Variants in MAGI1 observed in about 807,000 individuals in gnomAD.
MAGI1 encodes the protein membrane-associated guanylate kinase, WW and PDZ domain-containing protein 1.
Under a neutral mutation model 139.9 loss-of-function variants are expected in MAGI1, and 58 were observed. The ratio of observed to expected loss-of-function variants is 0.41; its 90% CI spans 0.34 to 0.52. The LOEUF is 0.52. MAGI1 is among the 20% of genes least tolerant of loss of function. The pLI is 0.12. For synonymous variants in MAGI1, 812 were observed against 737.9 expected, an observed-to-expected ratio of 1.10 and a Z score of -1.63; for missense variants, 1,874 against 1,901.6, an observed-to-expected ratio of 0.99 and a Z score of 0.27.
At chr3:65,550,729 C>T (rs936994464) in intron 2 of MAGI1, among the ~76,000 whole-genome samples, 1 of 152,094 alleles carries the variant, frequency 6.6e-6, no homozygotes, top group African/African-American at 2.4e-5. Context: ...ATTTGGGAGG[C>T]CAAGACAGGA....
chr3:65,532,823 C>G (rs1361519920), intron 2 of MAGI1: 3 of 152,300 alleles, frequency 2.0e-5, no homozygotes, highest in Non-Finnish European at 2.9e-5. Flanking sequence ...TTCCCCTTTT[C>G]TTTGCAGAGC....
intron 1 of MAGI1, among the ~76,000 whole-genome samples, chr3:65,636,596 G>A (rs924164901): frequency 2.0e-5 from 3 of 151,982 alleles, no homozygotes; most frequent in African/African-American, 7.3e-5. Flanking sequence ...CACTGGTCAC[G>A]TATTAACATT....
chr3:65,882,503 G>T (rs376575257), intron 1 of MAGI1, among the ~76,000 whole-genome samples: 1 of 152,234 alleles, frequency 6.6e-6, no homozygotes, highest in African/African-American at 2.4e-5. Context: ...CTACAGGATG[G>T]CAGGGAACCT....
At chr3:65,684,793 C>T (rs2087881676) in intron 1 of MAGI1, among the ~76,000 whole-genome samples, 1 of 151,834 alleles carries the variant, frequency 6.6e-6, no homozygotes, top group African/African-American at 2.4e-5. Flanking sequence ...CCTCAACCTC[C>T]CAGGCTCAAG....
intron 1 of MAGI1, among the ~76,000 whole-genome samples, chr3:65,871,505 CTG>C (rs2059939036): frequency 6.6e-6 from 1 of 152,154 alleles, no homozygotes; most frequent in African/African-American, 2.4e-5. Flanking sequence ...AGGAAAATAA[CTG>C]TGGAATTCTG....
Position 65,430,023 on chromosome 3 carries a change from C to T in MAGI1, c.1664G>A (p.Gly555Asp). ...ATCTGGATCAAAAGGCAATGGATAA[C>T]CTCGGCAGAGTTCAAGGTCCACGCT... ...GASVDLELCR[G>D]YPLPFDPDDP... is the part of the protein sequence containing the mutation. The change falls in exon 12 of 23, where the codon GGT becomes GAT. Residue 555 changes from glycine to aspartate, a missense_variant. Physicochemically the swap from Gly to Asp is moderately conservative, Grantham distance 94. Coordinates refer to ENST00000402939, the MANE Select transcript of MAGI1 (RefSeq NM_001033057.2). 6.2e-7 allele frequency: 1 copy of T among 1,613,882 alleles called. No individual in the cohort carries two copies. The highest frequency in any genetic ancestry group is 1.1e-5 in the South Asian group (1 of 91,076).
chr3:65,987,595 T>C (rs931901010), intron 1 of MAGI1, among the ~76,000 whole-genome samples: 1 of 152,094 alleles, frequency 6.6e-6, no homozygotes. Flanking sequence ...CTGCCTGCTT[T>C]TCTTTCCTTT....
chr3:65,470,455 G>T lies in MAGI1; in HGVS notation c.787C>A (p.Leu263Ile). ...ADSGEQEEHT[L>I]QETALPPVNS... Reference sequence around the variant, plus strand: ...ACAGGTGGTAATGCTGTTTCTTGGAGAGTGTGCTCCTCTTGTTCACCAGAA... The same window carrying T: ...ACAGGTGGTAATGCTGTTTCTTGGATAGTGTGCTCCTCTTGTTCACCAGAA... Residue 263 changes from leucine to isoleucine, a missense_variant, in exon 5 of 23, where the codon CTC becomes ATC. This residue lies in a region of MAGI1 where 648 missense variants were observed against 598.1 expected (regional missense o/e 1.08). Coordinates refer to ENST00000402939, the MANE Select transcript of MAGI1 (RefSeq NM_001033057.2). 1 of 1,613,368 alleles carries T rather than the reference G, an allele frequency of 6.2e-7. No homozygotes were observed.
chr3:65,875,991 G>A (rs536024388), intron 1 of MAGI1, among the ~76,000 whole-genome samples: 13 of 152,190 alleles, frequency 8.5e-5, no homozygotes, highest in Non-Finnish European at 1.6e-4. Flanking sequence ...CCAAGCATTC[G>A]TTTTTTAAGG....
intron 14 of MAGI1, among the ~76,000 whole-genome samples, chr3:65,387,415 T>C (rs908513109): frequency 2.6e-5 from 4 of 151,658 alleles, no homozygotes; most frequent in African/African-American, 7.3e-5. Context: ...GCTTTACTTG[T>C]AAAAAAGGTA....
At chr3:66,000,347 T>C (rs141070353) in intron 1 of MAGI1, among the ~76,000 whole-genome samples, 24 of 152,226 alleles carry the variant, frequency 1.6e-4, no homozygotes, top group Middle Eastern at 3.4e-3. Context: ...CCAATTGGGC[T>C]CAAGAAACCA....
chr3:65,804,774 A>G lies in MAGI1; in HGVS notation c.314-182686T>C, dbSNP rs192879705. 2.2e-3 allele frequency among the ~76,000 whole-genome samples: 334 copies of G among 152,322 alleles called. 3 individuals carry two copies. The Middle Eastern group carries it at 0.027, about 12-fold the overall frequency. ...ATGGAACAGAATAGAGATCTCAGAA[A>G]TAAGGCCACACATCTACAACCATCT... On this transcript the variant is annotated intron_variant, in intron 1 of 22. Coordinates refer to ENST00000402939, the MANE Select transcript of MAGI1 (RefSeq NM_001033057.2).
In MAGI1 at chr3:65,622,089, C is replaced by T; in HGVS notation, c.314-1G>A. 6.2e-7 allele frequency: 1 copy of T among 1,604,622 alleles called. No individual in the cohort carries two copies. The highest frequency in any genetic ancestry group is 8.5e-7 in the Non-Finnish European group (1 of 1,171,408). The stretch of plus-strand genomic sequence containing the variant: ...CGCAGGTCCTTGTTCAGCCTTCCTC[C>T]TGCAGGAAATACATAAAATAGACAT... On this transcript the variant is annotated splice_acceptor_variant, in intron 1 of 22. Transcript: ENST00000402939. LOFTEE classifies it high-confidence loss of function.
chr3:65,500,147 G>A (rs567627871), intron 2 of MAGI1, among the ~76,000 whole-genome samples: 2 of 152,278 alleles, frequency 1.3e-5, no homozygotes, highest in South Asian at 4.2e-4. Flanking sequence ...TTGCCTTACC[G>A]ATGAATAGGA....
chr3:66,023,063 G>A (rs1050292376), intron 1 of MAGI1, among the ~76,000 whole-genome samples: 5 of 152,182 alleles, frequency 3.3e-5, no homozygotes, highest in African/African-American at 9.7e-5. Context: ...GGACTTCTGG[G>A]TGCTCCAAAA....
intron 2 of MAGI1, among the ~76,000 whole-genome samples, chr3:65,521,030 C>G (rs2078129373): frequency 6.6e-6 from 1 of 152,172 alleles, no homozygotes; most frequent in Non-Finnish European, 1.5e-5. Context: ...TTTTATCAAT[C>G]CATCCCAAAT....
At chr3:65,817,993 A>G (rs2041713859) in intron 1 of MAGI1, among the ~76,000 whole-genome samples, 1 of 152,180 alleles carries the variant, frequency 6.6e-6, no homozygotes, top group Non-Finnish European at 1.5e-5. Flanking sequence ...GGGAAAGCCA[A>G]AAGACATAAT....
At chr3:65,624,868 C>T (rs2083879855) in intron 1 of MAGI1, among the ~76,000 whole-genome samples, 1 of 152,012 alleles carries the variant, frequency 6.6e-6, no homozygotes, top group Admixed American at 6.6e-5. Context: ...GGAGGAGATG[C>T]CAATATAATA....
chr3:65,928,993 T>C (rs2062661153), intron 1 of MAGI1, among the ~76,000 whole-genome samples: 1 of 151,860 alleles, frequency 6.6e-6, no homozygotes, highest in Admixed American at 6.6e-5. Flanking sequence ...GCTTATTTAA[T>C]GAAAAAAGCA....
Sources: allele counts gnomAD v4.1 joint callset (sites outside exome capture counted in the v4.1 genomes callset), GRCh38; gene constraint gnomAD v4.1.1; regional missense constraint gnomAD v4.1.1; transcripts MANE v1.5; gene names NCBI Gene and HGNC (gene_info 2026-07-23, HGNC 2026-07-21).